The following EGF variants were observed in gnomAD, a reference collection of about 807,000 sequenced individuals.
EGF encodes the protein pro-epidermal growth factor.
A neutral mutation model predicts 143.8 loss-of-function variants in EGF; 95 were observed. That is an observed-to-expected ratio of 0.66 (90% CI 0.56 to 0.78). The LOEUF (loss-of-function observed/expected upper bound fraction) is 0.78, where lower values mean the gene tolerates loss of function less well. EGF is among the 30% of genes least tolerant of loss of function. The probability of loss-of-function intolerance (pLI) is 0.00; values close to 1 mark genes in which losing one functional copy is unlikely to be tolerated. For synonymous variants in EGF, 510 were observed against 510.5 expected (o/e 1.00, Z 0.01); for missense variants, 1,320 against 1,470.9 (o/e 0.90, Z 1.68).
chr4:109,988,471 C>A, intron 17 of EGF, 113 bp from the exon 18 acceptor site: 1 of 1,507,808 alleles, frequency 6.6e-7, no homozygotes, highest in Non-Finnish European at 9.2e-7. Flanking sequence ...GGCAACAGCA[C>A]CTGTAAAGGA....
intron 11 of EGF, among the ~76,000 whole-genome samples, chr4:109,973,288 G>A (rs1225740717): frequency 6.6e-6 from 1 of 152,082 alleles, no homozygotes; most frequent in East Asian, 1.9e-4. Flanking sequence ...TCACACTAAA[G>A]CCACAGCAAA....
chr4:109,931,716 AAGAGT>A (rs1396633577), intron 1 of EGF, among the ~76,000 whole-genome samples: 1 of 152,194 alleles, frequency 6.6e-6, no homozygotes, highest in African/African-American at 2.4e-5. Context: ...CTGGAATCTC[AAGAGT>A]AGAGTAGGGA....
rs138902574 is a variant in EGF, at chr4:109,923,292, G to A, written c.127+9830G>A. On this transcript the variant is annotated intron_variant, in intron 1 of 23. Coordinates refer to ENST00000265171, the MANE Select transcript of EGF (RefSeq NM_001963.6). ...AACTGGGCTCAGGAAATAGCAATAC[G>A]CCAACACTTCTTAATTTTACCTCAT... 4.6e-5 allele frequency among the ~76,000 whole-genome samples: 7 copies of A among 151,452 alleles called. No homozygotes were observed. The East Asian group carries it at 9.6e-4, about 21-fold the overall frequency.
intron 18 of EGF, 120 bp downstream of exon 18, chr4:109,988,829 T>G (rs1750536828): frequency 6.7e-7 from 1 of 1,485,954 alleles, no homozygotes; most frequent in African/African-American, 1.4e-5. Context: ...ATGTCAAGAT[T>G]TAAAGAGTTG....
Position 109,943,926 on chromosome 4 carries a change from A to G in EGF, c.594A>G (p.Thr198=). ...TGGGAGTGAAGGCTCTGTTGGAGAC[A>G]TCAGAGAAAATAACAGCTGTGTCAT... is the stretch of plus-strand genomic sequence containing the variant. ...DGVGVKALLE[T]SEKITAVSLD... is the part of the protein sequence containing the mutation. Residue 198 remains threonine, a synonymous_variant, in exon 4 of 24, where the codon ACA becomes ACG. Transcript: ENST00000265171. 1 of 1,614,212 alleles carries G rather than the reference A, an allele frequency of 6.2e-7. No homozygotes were observed. Among genetic ancestry groups the G allele is most frequent in the Non-Finnish European group, 8.5e-7 (1 of 1,180,028 alleles).
chr4:109,959,274 A>T (rs765024945), intron 5 of EGF, 38 bp from the exon 6 acceptor site: 2 of 1,613,130 alleles, frequency 1.2e-6, no homozygotes, highest in African/African-American at 2.7e-5. Flanking sequence ...CTCTGTCAAA[A>T]CACGGCCCCA....
chr4:109,940,179 C>T (rs1275821649), intron 1 of EGF, among the ~76,000 whole-genome samples: 1 of 152,080 alleles, frequency 6.6e-6, no homozygotes, highest in African/African-American at 2.4e-5. Context: ...GAGAGGACCC[C>T]AGGTACAGGA....
At chr4:109,921,444 T>C (rs766714839) in intron 1 of EGF, among the ~76,000 whole-genome samples, 11 of 151,540 alleles carry the variant, frequency 7.3e-5, no homozygotes, top group Non-Finnish European at 1.5e-4. Context: ...TTCCCAAGTA[T>C]TTCCCAGGAC....
At chr4:110,002,354 A>G (rs983454767) in intron 21 of EGF, among the ~76,000 whole-genome samples, 1 of 152,154 alleles carries the variant, frequency 6.6e-6, no homozygotes, top group South Asian at 2.1e-4. Flanking sequence ...TTACCCAGGC[A>G]TGGTGGCACA....
chr4:109,957,913 A>G (rs982725968), intron 5 of EGF, among the ~76,000 whole-genome samples: 2 of 152,216 alleles, frequency 1.3e-5, no homozygotes, highest in Non-Finnish European at 2.9e-5. Context: ...CCTTACGCTC[A>G]AGCTTGCTAC....
chr4:109,928,538 A>C (rs1325940838), intron 1 of EGF, among the ~76,000 whole-genome samples: 1 of 152,174 alleles, frequency 6.6e-6, no homozygotes, highest in Non-Finnish European at 1.5e-5. Context: ...CCAGACTCTT[A>C]GTTAATTCTC....
At position 109,932,360 on chromosome 4, in the gene EGF, C is replaced by CAT. The variant is rs57424246; in HGVS notation, c.128-8570_128-8569dup. 2.7e-3 allele frequency among the ~76,000 whole-genome samples: 237 copies of CAT among 87,020 alleles called. 23 individuals carry two copies. Among genetic ancestry groups the CAT allele is most frequent in the South Asian group, 0.011 (27 of 2,516 alleles). 57.1% of individuals were successfully genotyped at this position (87,020 alleles called of 152,430 possible). A position where few individuals can be genotyped will look rare whatever the true frequency, so the allele number is the denominator to read the frequency against. On this transcript the variant is annotated intron_variant, in intron 1 of 23. Coordinates refer to ENST00000265171, the MANE Select transcript of EGF (RefSeq NM_001963.6). The stretch of plus-strand genomic sequence containing the variant: ...TTTACATGAAAACCTCCCATTTAGT[C>CAT]ATATATATATATATATAAATTTTTT...
At chr4:109,915,151 C>A (rs1736399143) in intron 1 of EGF, among the ~76,000 whole-genome samples, 2 of 152,112 alleles carry the variant, frequency 1.3e-5, no homozygotes. Flanking sequence ...AAACATGAAA[C>A]CCAGGATAGA....
rs112262428 is a variant in EGF at position 109,968,614 on chromosome 4, G to A, written c.1576-357G>A. On this transcript the variant is annotated intron_variant, in intron 10 of 23. Coordinates refer to ENST00000265171, the MANE Select transcript of EGF (RefSeq NM_001963.6). ...CTATCTATCTATAGCAATAACAATA[G>A]CAATAGCAATATGTGCCAGATACAT... Among the ~76,000 whole-genome samples the A allele has an allele frequency of 5.3e-5, 8 of 151,892 alleles. No individual in the cohort carries two copies. In the East Asian group the frequency reaches 1.4e-3, roughly 26 times the overall value.
chr4:109,923,012 G>C lies in EGF; in HGVS notation c.127+9550G>C, dbSNP rs180759254. On this transcript the variant is annotated intron_variant, in intron 1 of 23. Coordinates refer to ENST00000265171, the MANE Select transcript of EGF (RefSeq NM_001963.6). ...AAGTCGGTTTCCTGGGATGAGCTAA[G>C]TCCTAAAAACTATCTTAACCAGCAG... Among the ~76,000 whole-genome samples the C allele has an allele frequency of 7.5e-4, 113 of 151,588 alleles. 3 individuals are homozygous for C. Among genetic ancestry groups the C allele is most frequent in the African/African-American group, 2.7e-3 (111 of 40,946 alleles).
chr4:110,010,315 T>C (rs925725395), intron 23 of EGF, among the ~76,000 whole-genome samples: 3 of 152,146 alleles, frequency 2.0e-5, no homozygotes, highest in Admixed American at 6.5e-5. Flanking sequence ...TCTCAAGTCA[T>C]TTGTGGTCCA....
In EGF at chr4:109,980,147, C is replaced by T. The variant is rs768329946; in HGVS notation, c.2221+8C>T. On this transcript the variant is annotated splice_region_variant and intron_variant, in intron 14 of 23. Coordinates refer to ENST00000265171, the MANE Select transcript of EGF (RefSeq NM_001963.6). ...ATCCATTGGCAAAACCAGGTACATA[C>T]TGGAGATGTTACACAGTCTTTCCTT... The T allele has an allele frequency of 6.3e-7, 1 of 1,596,982 alleles. No homozygotes were observed. The highest frequency in any genetic ancestry group is 1.1e-5 in the South Asian group (1 of 87,796).
chr4:109,987,112 A>T lies in EGF; in HGVS notation c.2492-632A>T, dbSNP rs538307812. 5.9e-5 allele frequency among the ~76,000 whole-genome samples: 9 copies of T among 152,318 alleles called. No individual in the cohort carries two copies. The South Asian group carries it at 6.2e-4, about 11-fold the overall frequency. ...GTCAAAATGGTTGGGAAGTTTCAAA[A>T]CAAGCAACAGACCTTTCAAATTTGA... On this transcript the variant is annotated intron_variant, in intron 16 of 23. Coordinates refer to ENST00000265171, the MANE Select transcript of EGF (RefSeq NM_001963.6).
At chr4:109,955,791 G>A (rs1482907191) in intron 5 of EGF, among the ~76,000 whole-genome samples, 1 of 152,142 alleles carries the variant, frequency 6.6e-6, no homozygotes, top group Non-Finnish European at 1.5e-5. Flanking sequence ...GTTGTAAAAG[G>A]CACCGTGCTA....
Sources: gnomAD v4.1 joint callset for allele counts (sites outside exome capture counted in the v4.1 genomes callset) on GRCh38, gnomAD v4.1.1 for gene constraint, MANE v1.5 for transcripts, NCBI Gene and HGNC (gene_info 2026-07-23, HGNC 2026-07-21) for gene names.